The following VAT1L variants were observed in gnomAD, a reference collection of about 807,000 sequenced individuals.
The protein encoded by VAT1L is putative NADPH-dependent quinone oxidoreductase VAT1L.
Under a neutral mutation model 44.1 loss-of-function variants are expected in VAT1L, and 34 were observed. The observed-to-expected ratio is 0.77, with a 90% CI of 0.59 to 1.03. VAT1L has a LOEUF of 1.03. Among genes scored for constraint, VAT1L ranks in the 50% least tolerant of loss-of-function variants. VAT1L has a pLI of 0.00. For missense variants in VAT1L, 615 were observed against 538.8 expected, an observed-to-expected ratio of 1.14 and a Z score of -1.40; for synonymous variants, 253 against 202.2, an observed-to-expected ratio of 1.25 and a Z score of -2.13.
intron 7 of VAT1L, among the ~76,000 whole-genome samples, chr16:77,919,224 CA>C (rs11288720): frequency 0.47 from 71,777 of 152,050 alleles, 17,812 homozygotes; most frequent in South Asian, 0.64. Flanking sequence ...CCTAGGTGTC[CA>C]GGGGAAAACA....
chr16:77,804,289 G>A (rs899304256), intron 1 of VAT1L, among the ~76,000 whole-genome samples: 2 of 152,146 alleles, frequency 1.3e-5, no homozygotes, highest in Admixed American at 6.5e-5. Flanking sequence ...GCTGTGTCCC[G>A]AGGAGGGGCT....
chr16:77,842,141 C>A (rs1301198282), intron 3 of VAT1L, among the ~76,000 whole-genome samples: 1 of 152,172 alleles, frequency 6.6e-6, no homozygotes, highest in Non-Finnish European at 1.5e-5. Flanking sequence ...CCTGCCTTGG[C>A]CTCCCAAAGT....
chr16:77,918,599 G>A (rs755598084), intron 7 of VAT1L, among the ~76,000 whole-genome samples: 3 of 152,194 alleles, frequency 2.0e-5, no homozygotes, highest in East Asian at 1.9e-4. Context: ...GGGAGGGTGC[G>A]ACCCATTTGG....
chr16:77,868,147 T>C (rs58497641), intron 4 of VAT1L, among the ~76,000 whole-genome samples: 2 of 152,196 alleles, frequency 1.3e-5, no homozygotes, highest in Non-Finnish European at 2.9e-5. Context: ...ACACAAAGCC[T>C]ATTTTACAAT....
chr16:77,791,492 C>A (rs2145201746), intron 1 of VAT1L, among the ~76,000 whole-genome samples: 1 of 152,218 alleles, frequency 6.6e-6, no homozygotes, highest in Non-Finnish European at 1.5e-5. Context: ...ATTTTTCCTA[C>A]AGAACAGAAG....
chr16:77,905,089 A>T (rs16946785), intron 7 of VAT1L, among the ~76,000 whole-genome samples: 3 of 152,024 alleles, frequency 2.0e-5, no homozygotes, highest in Admixed American at 2.0e-4. Context: ...TTCAAATCTG[A>T]CTAATGTGGT....
At position 77,846,024 on chromosome 16, in the gene VAT1L, A is replaced by C. The variant is rs139977702; in HGVS notation, c.580-16724A>C. 7.4e-4 allele frequency among the ~76,000 whole-genome samples: 112 copies of C among 152,252 alleles called. No homozygotes were observed. In the Middle Eastern group the frequency reaches 0.024, roughly 32 times the overall value. ...TCTTCTTGAAATCAGAATGGGCCTT[A>C]GCATCTCTGTGCTTCCACCACATAT... On this transcript the variant is annotated intron_variant, in intron 3 of 8. Transcript: ENST00000302536.
intron 8 of VAT1L, among the ~76,000 whole-genome samples, chr16:77,975,675 A>G (rs422848): frequency 0.32 from 48,807 of 152,140 alleles, 8,498 homozygotes; most frequent in East Asian, 0.51. Context: ...TTCCTGGGAA[A>G]CACTAAGAGT....
intron 7 of VAT1L, among the ~76,000 whole-genome samples, chr16:77,950,750 A>G (rs2018032774): frequency 6.6e-6 from 1 of 152,188 alleles, no homozygotes; most frequent in Non-Finnish European, 1.5e-5. Flanking sequence ...TGAATGTTAT[A>G]CAGCTTTATT....
At position 77,879,960 on chromosome 16, in the gene VAT1L, T is replaced by C. The variant is rs936129665; in HGVS notation, c.882+736T>C. The stretch of plus-strand genomic sequence containing the variant: ...GAATCGGAGATAGAAATGAGGACCC[T>C]ATGACCTTAACAAGATCCTGAGGTG... On this transcript the variant is annotated intron_variant, in intron 6 of 8. Coordinates refer to ENST00000302536, the MANE Select transcript of VAT1L (RefSeq NM_020927.3). The surrounding 1 kb of genome is among the most constrained non-coding windows in gnomAD (Gnocchi z 4.1). 1.3e-5 allele frequency among the ~76,000 whole-genome samples: 2 copies of C among 152,204 alleles called. No individual in the cohort carries two copies. Among genetic ancestry groups the C allele is most frequent in the Non-Finnish European group, 2.9e-5 (2 of 68,040 alleles).
chr16:77,863,896 A>T (rs756889485), intron 4 of VAT1L, among the ~76,000 whole-genome samples: 7 of 152,294 alleles, frequency 4.6e-5, no homozygotes, highest in Non-Finnish European at 1.0e-4. Flanking sequence ...CCACTGACAG[A>T]CTAAAATGGG....
intron 7 of VAT1L, among the ~76,000 whole-genome samples, chr16:77,925,957 C>T (rs1203020863): frequency 6.6e-6 from 1 of 152,088 alleles, no homozygotes; most frequent in Non-Finnish European, 1.5e-5. Flanking sequence ...TGCTGATAAT[C>T]TGTCATTAAA....
At chr16:77,868,578 T>C (rs1006293826) in intron 4 of VAT1L, among the ~76,000 whole-genome samples, 1 of 152,162 alleles carries the variant, frequency 6.6e-6, no homozygotes, top group Non-Finnish European at 1.5e-5. Flanking sequence ...ATCACACAAA[T>C]AGACGTGACG....
At chr16:77,791,769 G>C (rs1313614428) in intron 1 of VAT1L, among the ~76,000 whole-genome samples, 2 of 152,150 alleles carry the variant, frequency 1.3e-5, no homozygotes, top group Non-Finnish European at 2.9e-5. Context: ...AAGTAGTATG[G>C]CTTTCTCCAG....
intron 7 of VAT1L, among the ~76,000 whole-genome samples, chr16:77,947,890 G>C (rs1035895821): frequency 6.6e-6 from 1 of 152,084 alleles, no homozygotes; most frequent in Admixed American, 6.5e-5. Context: ...CTCCCAAGTA[G>C]CTAGGATTAC....
chr16:77,944,913 C>T (rs922101666), intron 7 of VAT1L, among the ~76,000 whole-genome samples: 7 of 152,038 alleles, frequency 4.6e-5, no homozygotes, highest in Non-Finnish European at 1.0e-4. Context: ...TAGTCTGCCC[C>T]CCGCCACACA....
chr16:77,894,194 G>A (rs977866020), intron 7 of VAT1L, among the ~76,000 whole-genome samples: 27 of 152,234 alleles, frequency 1.8e-4, no homozygotes, highest in African/African-American at 5.5e-4. Context: ...TGAATCCTTC[G>A]TCCTTGGGCA....
At chr16:77,908,210 G>T (rs2017458768) in intron 7 of VAT1L, among the ~76,000 whole-genome samples, 1 of 151,024 alleles carries the variant, frequency 6.6e-6, no homozygotes, top group African/African-American at 2.4e-5. Context: ...CTGCACTCCA[G>T]CCTGGGTGAC....
intron 7 of VAT1L, among the ~76,000 whole-genome samples, chr16:77,959,791 C>T (rs1466003654): frequency 2.0e-5 from 3 of 152,200 alleles, no homozygotes; most frequent in South Asian, 4.1e-4. Flanking sequence ...TAACCACTCA[C>T]GTAGGTGAGG....
Sources: allele counts gnomAD v4.1 joint callset (sites outside exome capture counted in the v4.1 genomes callset), GRCh38; gene constraint gnomAD v4.1.1; non-coding constraint Gnocchi (gnomAD v3.1); transcripts MANE v1.5; gene names NCBI Gene and HGNC (gene_info 2026-07-23, HGNC 2026-07-21).